TUSC3: variants seen among roughly 807,000 people sequenced by gnomAD.
TUSC3 encodes tumor suppressor candidate 3.
TUSC3 carries 45 observed loss-of-function variants against 44.8 expected under a neutral mutation model. The ratio of observed to expected loss-of-function variants is 1.00; its 90% CI spans 0.79 to 1.29. The LOEUF (loss-of-function observed/expected upper bound fraction) is 1.29, where lower values mean the gene tolerates loss of function less well. Among genes scored for constraint, TUSC3 ranks in the 50% most tolerant of loss-of-function variants. TUSC3 has a pLI of 0.00. For synonymous variants in TUSC3, 212 were observed against 152.9 expected (o/e 1.39, Z -2.85); for missense variants, 519 against 437.9 (o/e 1.19, Z -1.65).
At chr8:15,829,056 C>G in the TUSC3 span, among the ~76,000 whole-genome samples, 1 of 152,180 alleles carries the variant, frequency 6.6e-6, no homozygotes, top group African/African-American at 2.4e-5. Context: ...TCCAAATTTT[C>G]ACTTATGTTT....
intron 2 of TUSC3, among the ~76,000 whole-genome samples, chr8:15,492,199 A>G (rs1371081559): frequency 6.6e-6 from 1 of 152,140 alleles, no homozygotes; most frequent in Non-Finnish European, 1.5e-5. Flanking sequence ...AGAGGAGAAG[A>G]ATCTGAATCT....
chr8:15,604,574 C>T (rs753113751), intron 1 of TUSC3, among the ~76,000 whole-genome samples: 9 of 151,612 alleles, frequency 5.9e-5, no homozygotes, highest in South Asian at 2.1e-4. Flanking sequence ...TTATCAGTTG[C>T]AAAGGGGATT....
intron 1 of TUSC3, among the ~76,000 whole-genome samples, chr8:15,570,384 T>G (rs1191412961): frequency 1.3e-5 from 2 of 152,126 alleles, no homozygotes; most frequent in Admixed American, 6.6e-5. Context: ...GATTGTATTC[T>G]TTGGTTTGAA....
At chr8:15,574,523 G>A (rs954843087) in intron 1 of TUSC3, among the ~76,000 whole-genome samples, 4 of 151,920 alleles carry the variant, frequency 2.6e-5, no homozygotes, top group African/African-American at 7.2e-5. Flanking sequence ...ATTTTTAATC[G>A]TTAGGTTAGG....
intron 3 of TUSC3, among the ~76,000 whole-genome samples, chr8:15,658,325 T>C (rs1807262600): frequency 6.6e-6 from 1 of 152,100 alleles, no homozygotes; most frequent in African/African-American, 2.4e-5. Context: ...GTAAAATGAT[T>C]TGGAGCTGTC....
At chr8:15,579,320 G>A (rs1219145197) in intron 1 of TUSC3, among the ~76,000 whole-genome samples, 1 of 137,360 alleles carries the variant, frequency 7.3e-6, no homozygotes. Context: ...ATTTCCTTCA[G>A]TTCTGCTCTG....
At chr8:15,789,448 C>A in the TUSC3 span, among the ~76,000 whole-genome samples, 2 of 152,022 alleles carry the variant, frequency 1.3e-5, no homozygotes, top group Admixed American at 1.3e-4. Flanking sequence ...CATTTATCAG[C>A]CAGTCTTAAG....
rs540141627 is a variant in TUSC3, at chr8:15,429,869, TA to T, written n.91+12565del. Among the ~76,000 whole-genome samples the T allele has an allele frequency of 7.9e-4, 120 of 151,764 alleles. 1 individual carries two copies. The highest frequency in any genetic ancestry group is 2.8e-3 in the African/African-American group (114 of 41,086). On this transcript the variant is annotated intron_variant and non_coding_transcript_variant, in intron 1 of 5. Transcript: ENST00000503191. ...TATAAACACCTCTATGCAAATAAACTAGAAAATCTAGAAGAAATGGATAAAT... is the reference window on the plus strand; with the variant it reads ...TATAAACACCTCTATGCAAATAAACTGAAAATCTAGAAGAAATGGATAAAT...
the TUSC3 span, among the ~76,000 whole-genome samples, chr8:15,823,229 C>G: frequency 1.3e-5 from 2 of 152,136 alleles, no homozygotes; most frequent in Non-Finnish European, 2.9e-5. Context: ...GAGCGCTACC[C>G]AAAAGCCTGA....
downstream of TUSC3, among the ~76,000 whole-genome samples, chr8:15,770,913 G>C (rs1188084115): frequency 6.6e-6 from 1 of 152,166 alleles, no homozygotes. Context: ...TATCCAAGAA[G>C]TTCCAACAAA....
chr8:15,785,411 C>T, the TUSC3 span, among the ~76,000 whole-genome samples: 1 of 151,238 alleles, frequency 6.6e-6, no homozygotes. Context: ...TAAGCATTAT[C>T]ATATTAAAAG....
At chr8:15,499,081 A>G (rs1024671440) in intron 2 of TUSC3, among the ~76,000 whole-genome samples, 2 of 151,898 alleles carry the variant, frequency 1.3e-5, no homozygotes, top group Admixed American at 6.6e-5. Context: ...AACTCTTGCC[A>G]TCAGACTCCA....
chr8:15,793,083 T>G, the TUSC3 span, among the ~76,000 whole-genome samples: 2 of 152,142 alleles, frequency 1.3e-5, no homozygotes, highest in African/African-American at 2.4e-5. Context: ...CCTGCTGATC[T>G]GGAGGAAGAA....
At chr8:15,796,526 A>G in the TUSC3 span, among the ~76,000 whole-genome samples, 3 of 152,066 alleles carry the variant, frequency 2.0e-5, no homozygotes, top group Non-Finnish European at 1.5e-5. Flanking sequence ...AACCACATTC[A>G]TTTTCTGCAT....
chr8:15,446,369 A>C (rs1417559639), intron 1 of TUSC3, among the ~76,000 whole-genome samples: 1 of 151,980 alleles, frequency 6.6e-6, no homozygotes, highest in Non-Finnish European at 1.5e-5. Context: ...TGGGAGGCCA[A>C]GGCAGGTGGC....
the TUSC3 span, among the ~76,000 whole-genome samples, chr8:15,832,611 A>G: frequency 6.6e-6 from 1 of 152,206 alleles, no homozygotes; most frequent in African/African-American, 2.4e-5. Flanking sequence ...AATGGAGAAC[A>G]GAAAAAAGCA....
rs147077264 is a variant in TUSC3 at position 15,674,802 on chromosome 8, A to C, written c.798+966A>C. ...TATTTATATGTTTTTAAAATCTGGC[A>C]TTATTTAGAAGAGTAATTTCAGAAA... is the stretch of plus-strand genomic sequence containing the variant. On this transcript the variant is annotated intron_variant, in intron 6 of 10. Transcript: ENST00000503731. Among the ~76,000 whole-genome samples, 148 of 152,234 alleles carry C rather than the reference A, an allele frequency of 9.7e-4. 1 individual carries two copies. The East Asian group carries it at 0.027, about 27-fold the overall frequency.
intron 1 of TUSC3, among the ~76,000 whole-genome samples, chr8:15,542,440 T>C (rs578226238): frequency 6.6e-6 from 1 of 152,126 alleles, no homozygotes; most frequent in African/African-American, 2.4e-5. Flanking sequence ...GGCTCACTTT[T>C]CCCATCGTCG....
intron 2 of TUSC3, among the ~76,000 whole-genome samples, chr8:15,528,509 A>G (rs2129130431): frequency 6.6e-6 from 1 of 152,350 alleles, no homozygotes; most frequent in South Asian, 2.1e-4. Flanking sequence ...AACTTCAAAT[A>G]TACTGTGAAG....
Sources: gnomAD v4.1 joint callset for allele counts (sites outside exome capture counted in the v4.1 genomes callset) on GRCh38, gnomAD v4.1.1 for gene constraint, MANE v1.5 for transcripts, NCBI Gene and HGNC (gene_info 2026-07-23, HGNC 2026-07-21) for gene names.